The following ZDHHC14 variants were observed in gnomAD, a reference collection of about 807,000 sequenced individuals.
ZDHHC14 encodes the protein zDHHC palmitoyltransferase 14.
ZDHHC14 carries 16 observed loss-of-function variants against 47.7 expected under a neutral mutation model. That is an observed-to-expected ratio of 0.34 (90% CI 0.23 to 0.51). The LOEUF is 0.51. Among genes scored for constraint, ZDHHC14 ranks in the 20% least tolerant of loss-of-function variants. The probability of loss-of-function intolerance (pLI) is 0.97; values close to 1 mark genes in which losing one functional copy is unlikely to be tolerated. For synonymous variants in ZDHHC14, 293 were observed against 278.9 expected (o/e 1.05, Z -0.50); for missense variants, 515 against 662.5 (o/e 0.78, Z 2.44).
intron 1 of ZDHHC14, among the ~76,000 whole-genome samples, chr6:157,389,073 T>A (rs1404926682): frequency 1.3e-5 from 2 of 152,130 alleles, no homozygotes; most frequent in African/African-American, 4.8e-5. Flanking sequence ...ATGCTAACAT[T>A]GATTTAATAT....
chr6:157,511,643 C>T (rs1780494100), intron 1 of ZDHHC14, among the ~76,000 whole-genome samples: 1 of 150,706 alleles, frequency 6.6e-6, no homozygotes, highest in Non-Finnish European at 1.5e-5. Context: ...ATCCACCCAC[C>T]TCGGCCTACC....
intron 2 of ZDHHC14, among the ~76,000 whole-genome samples, chr6:157,559,665 G>T (rs1782630705): frequency 6.6e-6 from 1 of 152,100 alleles, no homozygotes; most frequent in Admixed American, 6.5e-5. Context: ...TCACTGTTTT[G>T]TTTTTCCCCA....
rs556055070 is a variant in ZDHHC14 at position 157,480,105 on chromosome 6, T to C, written c.246-62480T>C. ...AACTGTTTGATAGGTGGTGGACATGTTGGGCTCAGCGTTGGACCAAGAGAG... is the reference window on the plus strand; with the variant it reads ...AACTGTTTGATAGGTGGTGGACATGCTGGGCTCAGCGTTGGACCAAGAGAG... On this transcript the variant is annotated intron_variant, in intron 1 of 8. Transcript: ENST00000359775. Among the ~76,000 whole-genome samples, 7 of 152,256 alleles carry C rather than the reference T, an allele frequency of 4.6e-5. No homozygotes were observed. In the South Asian group the frequency reaches 1.5e-3, roughly 32 times the overall value.
At chr6:157,569,347 C>A (rs1409722004) in intron 2 of ZDHHC14, among the ~76,000 whole-genome samples, 1 of 151,864 alleles carries the variant, frequency 6.6e-6, no homozygotes, top group East Asian at 1.9e-4. Context: ...AGCTGTCTAT[C>A]CTAATTTTGT....
intron 1 of ZDHHC14, among the ~76,000 whole-genome samples, chr6:157,493,319 C>T (rs912135482): frequency 1.3e-5 from 2 of 152,188 alleles, no homozygotes; most frequent in African/African-American, 2.4e-5. Flanking sequence ...CACCAGCCAC[C>T]GCAAGGGCGA....
intron 1 of ZDHHC14, among the ~76,000 whole-genome samples, chr6:157,479,812 G>C (rs1779579460): frequency 2.0e-5 from 3 of 152,216 alleles, no homozygotes; most frequent in Non-Finnish European, 2.9e-5. Context: ...TCCCCTCCTG[G>C]CCCAGAGAGA....
In ZDHHC14 at chr6:157,446,254, C is replaced by T. The variant is rs929710453; in HGVS notation, c.245+63988C>T. Among the ~76,000 whole-genome samples the T allele has an allele frequency of 3.9e-5, 6 of 152,306 alleles. 1 individual carries two copies. The East Asian group carries it at 9.7e-4, about 25-fold the overall frequency. ...GCCCATTGCTCCATCGAGGCACACT[C>T]AGCTCTTTGTAGTTGCCATTTGCCC... On this transcript the variant is annotated intron_variant, in intron 1 of 8. Coordinates refer to ENST00000359775, the MANE Select transcript of ZDHHC14 (RefSeq NM_024630.3).
chr6:157,636,069 A>G (rs1405852865), intron 5 of ZDHHC14, among the ~76,000 whole-genome samples: 1 of 152,196 alleles, frequency 6.6e-6, no homozygotes, highest in East Asian at 1.9e-4. Flanking sequence ...TGCTGACCGC[A>G]TGCAGGTCCT....
At chr6:157,590,519 A>G (rs1039937493) in intron 2 of ZDHHC14, among the ~76,000 whole-genome samples, 12 of 152,216 alleles carry the variant, frequency 7.9e-5, no homozygotes, top group African/African-American at 2.4e-4. Flanking sequence ...TTGGTCCTGT[A>G]GGTGCACAGA....
chr6:157,628,546 T>C (rs749506908), intron 4 of ZDHHC14, 60 bp downstream of exon 4: 2 of 1,572,818 alleles, frequency 1.3e-6, no homozygotes, highest in African/African-American at 1.4e-5. Flanking sequence ...TTGATTTTCC[T>C]ATTTGATTTT....
At chr6:157,651,819 G>A (rs1050880102) in intron 7 of ZDHHC14, among the ~76,000 whole-genome samples, 1 of 152,056 alleles carries the variant, frequency 6.6e-6, no homozygotes, top group African/African-American at 2.4e-5. Flanking sequence ...TGATCTGCCC[G>A]CCTTGGCCTC....
intron 1 of ZDHHC14, among the ~76,000 whole-genome samples, chr6:157,435,118 T>A (rs1295914666): frequency 2.0e-5 from 3 of 152,124 alleles, no homozygotes; most frequent in Admixed American, 2.0e-4. Context: ...TCCTCGGGGG[T>A]TCTTTGCATA....
chr6:157,593,593 A>G (rs563788502), intron 3 of ZDHHC14, among the ~76,000 whole-genome samples: 58 of 152,278 alleles, frequency 3.8e-4, no homozygotes, highest in Non-Finnish European at 7.4e-4. Flanking sequence ...CCTCTCCTCC[A>G]GGGGCTGGAG....
At chr6:157,539,620 G>A (rs753882387) in intron 1 of ZDHHC14, among the ~76,000 whole-genome samples, 12 of 152,022 alleles carry the variant, frequency 7.9e-5, no homozygotes, top group East Asian at 1.9e-4. Context: ...CCCCCGGGGC[G>A]TCCAAAGCAC....
At chr6:157,390,312 C>T (rs1427043337) in intron 1 of ZDHHC14, among the ~76,000 whole-genome samples, 1 of 151,900 alleles carries the variant, frequency 6.6e-6, no homozygotes, top group Admixed American at 6.6e-5. Context: ...GATATTTCTC[C>T]AGCTGATTTT....
chr6:157,558,943 C>G (rs913478985), intron 2 of ZDHHC14, among the ~76,000 whole-genome samples: 1 of 151,864 alleles, frequency 6.6e-6, no homozygotes, highest in Non-Finnish European at 1.5e-5. Flanking sequence ...GATTTCCCCC[C>G]AGCTCTCTAA....
chr6:157,561,349 C>T (rs1399540575), intron 2 of ZDHHC14, among the ~76,000 whole-genome samples: 3 of 152,104 alleles, frequency 2.0e-5, no homozygotes, highest in African/African-American at 4.8e-5. Context: ...AGGCTGCCAT[C>T]GTAGTGCAGA....
chr6:157,600,910 C>G (rs1330343723), intron 3 of ZDHHC14, among the ~76,000 whole-genome samples: 2 of 152,192 alleles, frequency 1.3e-5, no homozygotes, highest in Non-Finnish European at 2.9e-5. Flanking sequence ...CCTGGATTAT[C>G]CAAGGGGCCC....
intron 6 of ZDHHC14, 119 bp from the exon 7 acceptor site, chr6:157,647,139 CT>C: frequency 1.5e-6 from 1 of 684,154 alleles, no homozygotes; most frequent in Non-Finnish European, 2.4e-6. Context: ...AGAAAAATAC[CT>C]CCATTTCTTT....
Sources: gnomAD v4.1 joint callset for allele counts (sites outside exome capture counted in the v4.1 genomes callset) on GRCh38, gnomAD v4.1.1 for gene constraint, MANE v1.5 for transcripts, NCBI Gene and HGNC (gene_info 2026-07-23, HGNC 2026-07-21) for gene names.